RBMS3: variants seen among roughly 807,000 people sequenced by gnomAD.
RBMS3 encodes RNA binding motif single stranded interacting protein 3, also known as RNA-binding motif, single-stranded-interacting protein 3.
Under a neutral mutation model 66.8 loss-of-function variants are expected in RBMS3, and 27 were observed. The observed-to-expected ratio is 0.40, with a 90% CI of 0.30 to 0.56. The LOEUF is 0.56. RBMS3 is among the 20% of genes least tolerant of loss of function. RBMS3 has a pLI of 0.40. For synonymous variants in RBMS3, 188 were observed against 183.0 expected (o/e 1.03, Z -0.22); for missense variants, 513 against 549.5 (o/e 0.93, Z 0.66).
intron 4 of RBMS3, among the ~76,000 whole-genome samples, chr3:29,609,494 T>A (rs544087370): frequency 7.9e-5 from 12 of 152,130 alleles, no homozygotes; most frequent in Admixed American, 2.6e-4. Flanking sequence ...GAGGGTTCAG[T>A]CAGCAGCTGT....
intron 2 of RBMS3, among the ~76,000 whole-genome samples, chr3:29,456,937 A>G (rs536792709): frequency 2.6e-5 from 4 of 152,320 alleles, no homozygotes; most frequent in African/African-American, 9.6e-5. Flanking sequence ...AATCAGAATG[A>G]GAAGATATGG....
At chr3:29,704,403 A>G (rs944001297) in intron 4 of RBMS3, among the ~76,000 whole-genome samples, 1 of 152,040 alleles carries the variant, frequency 6.6e-6, no homozygotes, top group South Asian at 2.1e-4. Context: ...GTTGAAATAC[A>G]GATGCATTTT....
At chr3:29,397,853 T>C (rs530682291) in intron 1 of RBMS3, among the ~76,000 whole-genome samples, 50 of 152,208 alleles carry the variant, frequency 3.3e-4, no homozygotes, top group Non-Finnish European at 6.2e-4. Context: ...CTGGCTACAT[T>C]TCTCTATTTT....
intron 3 of RBMS3, among the ~76,000 whole-genome samples, chr3:29,551,498 A>T (rs2046177326): frequency 6.6e-6 from 1 of 152,210 alleles, no homozygotes; most frequent in Non-Finnish European, 1.5e-5. Context: ...AGTTTTGGGT[A>T]AATGCTTTAA....
chr3:29,751,574 A>G (rs1184584215), intron 5 of RBMS3, among the ~76,000 whole-genome samples: 1 of 152,222 alleles, frequency 6.6e-6, no homozygotes, highest in Non-Finnish European at 1.5e-5. Flanking sequence ...CGTGCTTAAA[A>G]TGTTTTGCCA....
intron 6 of RBMS3, among the ~76,000 whole-genome samples, chr3:29,859,377 CA>C (rs992430423): frequency 4.6e-5 from 7 of 152,180 alleles, no homozygotes; most frequent in Admixed American, 2.6e-4. Context: ...AAGAACTGCT[CA>C]AACTTCATTC....
chr3:29,612,986 T>C (rs1306911014), intron 4 of RBMS3, among the ~76,000 whole-genome samples: 1 of 152,182 alleles, frequency 6.6e-6, no homozygotes, highest in Non-Finnish European at 1.5e-5. Flanking sequence ...GCTTAGCTTA[T>C]TTCATGTTCT....
chr3:29,647,458 A>T (rs1342510508), intron 4 of RBMS3, among the ~76,000 whole-genome samples: 2 of 152,230 alleles, frequency 1.3e-5, no homozygotes, highest in Non-Finnish European at 2.9e-5. Context: ...CCCATGAGAC[A>T]TTTACATGGC....
intron 4 of RBMS3, among the ~76,000 whole-genome samples, chr3:29,684,727 C>G (rs1426098564): frequency 6.6e-6 from 1 of 151,290 alleles, no homozygotes; most frequent in East Asian, 1.9e-4. Context: ...GCATATTATC[C>G]AGAATTTGAA....
In RBMS3 at chr3:30,010,148, ACAT is replaced by A. The variant is rs1168487433; in HGVS notation, c.*6290_*6292del. On this transcript the variant is annotated 3_prime_UTR_variant, in exon 15 of 15. Coordinates refer to ENST00000383767, the MANE Select transcript of RBMS3 (RefSeq NM_001003793.3). ...TATTCAACTTCATGGAACTTCTGAA[ACAT>A]CATTCAATTTTGAACTTTATTTAAG... The A allele has an allele frequency of 3.9e-5, 6 of 151,938 alleles. No homozygotes were observed. Among genetic ancestry groups the A allele is most frequent in the Non-Finnish European group, 8.8e-5 (6 of 67,988 alleles). The allele number at this position is 151,938 out of a possible 1,614,324, so 9.4% of individuals were successfully genotyped here.
chr3:29,401,059 G>A (rs2039790036), intron 1 of RBMS3, among the ~76,000 whole-genome samples: 1 of 151,984 alleles, frequency 6.6e-6, no homozygotes, highest in Admixed American at 6.6e-5. Context: ...ATGTGTGGGA[G>A]GGAGAGCACG....
chr3:29,488,340 T>C, intron 2 of RBMS3, 101 bp from the exon 3 acceptor site: 3 of 901,296 alleles, frequency 3.3e-6, no homozygotes, highest in Non-Finnish European at 5.1e-6. Context: ...TTTCTTGGTT[T>C]ATGCATGCTC....
At chr3:29,324,346 A>G (rs1293597426) in intron 1 of RBMS3, among the ~76,000 whole-genome samples, 1 of 151,962 alleles carries the variant, frequency 6.6e-6, no homozygotes, top group Non-Finnish European at 1.5e-5. Context: ...TGAGCTTCTT[A>G]TTGTTCAAGC....
intron 2 of RBMS3, among the ~76,000 whole-genome samples, chr3:29,485,133 A>T (rs923535364): frequency 6.6e-6 from 1 of 152,222 alleles, no homozygotes; most frequent in Non-Finnish European, 1.5e-5. Flanking sequence ...AGTTTAAATT[A>T]GGCTTGTATG....
chr3:29,902,759 A>C lies in RBMS3; in HGVS notation c.939+3004A>C, dbSNP rs557598794. On this transcript the variant is annotated intron_variant, in intron 10 of 14. Coordinates refer to ENST00000383767, the MANE Select transcript of RBMS3 (RefSeq NM_001003793.3). ...CATTGTACAGGAATATACCTCCCCT[A>C]TCACCAAGCGTGTACACTGATTCCT... 2.0e-5 allele frequency among the ~76,000 whole-genome samples: 3 copies of C among 151,984 alleles called. No homozygotes were observed. In the South Asian group the frequency reaches 6.2e-4, roughly 32 times the overall value.
chr3:29,532,350 C>T (rs528032445), intron 3 of RBMS3, among the ~76,000 whole-genome samples: 10 of 149,216 alleles, frequency 6.7e-5, no homozygotes, highest in African/African-American at 2.5e-4. Context: ...ACAAGAGTCC[C>T]TTGGACTACC....
chr3:29,388,798 TCG>T (rs1288094170), intron 1 of RBMS3, among the ~76,000 whole-genome samples: 2 of 152,194 alleles, frequency 1.3e-5, no homozygotes, highest in Non-Finnish European at 2.9e-5. Context: ...TCTCCTGACC[TCG>T]TGATCCGCCC....
chr3:29,901,369 C>A (rs181724755), intron 10 of RBMS3, among the ~76,000 whole-genome samples: 5 of 151,830 alleles, frequency 3.3e-5, no homozygotes, highest in Admixed American at 6.6e-5. Context: ...CTAACTTAGT[C>A]CTCATACTGA....
chr3:29,992,939 C>T (rs1251078516), intron 14 of RBMS3, among the ~76,000 whole-genome samples: 1 of 152,120 alleles, frequency 6.6e-6, no homozygotes, highest in Non-Finnish European at 1.5e-5. Context: ...TACGCCTACT[C>T]AAGAAGGGGA....
Sources: gnomAD v4.1 joint callset for allele counts (sites outside exome capture counted in the v4.1 genomes callset) on GRCh38, gnomAD v4.1.1 for gene constraint, MANE v1.5 for transcripts, NCBI Gene and HGNC (gene_info 2026-07-23, HGNC 2026-07-21) for gene names.